The following CFAP20DC variants were observed in gnomAD, a reference collection of about 807,000 sequenced individuals.
The protein encoded by CFAP20DC is CFAP20 domain containing.
Under a neutral mutation model 101.7 loss-of-function variants are expected in CFAP20DC, and 84 were observed. The observed-to-expected ratio is 0.83, with a 90% confidence interval of 0.69 to 0.99. The LOEUF is 0.99. Ranked by LOEUF, CFAP20DC falls within the 50% of genes least tolerant of loss-of-function variation. The pLI is 0.00. For missense variants in CFAP20DC, 1,007 were observed against 970.3 expected (o/e 1.04, Z -0.50); for synonymous variants, 359 against 351.2 (o/e 1.02, Z -0.25).
chr3:58,998,151 A>G (rs2093197744), intron 4 of CFAP20DC, among the ~76,000 whole-genome samples: 2 of 152,230 alleles, frequency 1.3e-5, no homozygotes, highest in Non-Finnish European at 2.9e-5. Context: ...AGGTCATGGC[A>G]GATTCTGCAG....
At chr3:58,780,508 T>C (rs1349465519) in intron 15 of CFAP20DC, among the ~76,000 whole-genome samples, 1 of 150,262 alleles carries the variant, frequency 6.7e-6, no homozygotes, top group African/African-American at 2.4e-5. Context: ...GCTGAATGAA[T>C]AAAAAAAAAG....
chr3:58,906,544 C>A (rs2083603964), intron 6 of CFAP20DC, among the ~76,000 whole-genome samples: 1 of 152,176 alleles, frequency 6.6e-6, no homozygotes, highest in African/African-American at 2.4e-5. Flanking sequence ...TGGCTTTATA[C>A]ATATATGCCC....
intron 7 of CFAP20DC, among the ~76,000 whole-genome samples, chr3:58,877,703 C>T (rs1196313211): frequency 2.6e-5 from 4 of 152,072 alleles, no homozygotes; most frequent in Admixed American, 2.0e-4. Context: ...CAGGTTCTTC[C>T]CATATTTTCC....
chr3:58,810,374 C>A (rs1246268503), intron 14 of CFAP20DC, among the ~76,000 whole-genome samples: 1 of 152,124 alleles, frequency 6.6e-6, no homozygotes, highest in Non-Finnish European at 1.5e-5. Flanking sequence ...TGGGCTTCAT[C>A]CCTGGGATGC....
chr3:58,801,910 T>C (rs539869364), intron 15 of CFAP20DC, among the ~76,000 whole-genome samples: 1 of 152,368 alleles, frequency 6.6e-6, no homozygotes, highest in Admixed American at 6.5e-5. Context: ...GCAAACACTT[T>C]AGAAAATCAT....
At chr3:58,873,420 A>G (rs890786233) in intron 7 of CFAP20DC, among the ~76,000 whole-genome samples, 1 of 151,268 alleles carries the variant, frequency 6.6e-6, no homozygotes, top group Non-Finnish European at 1.5e-5. Context: ...GTGCTCAAGC[A>G]GAAGTCTGGA....
intron 15 of CFAP20DC, among the ~76,000 whole-genome samples, chr3:58,760,751 T>C (rs1359246918): frequency 2.0e-5 from 3 of 152,234 alleles, no homozygotes; most frequent in South Asian, 4.1e-4. Context: ...TGAAGGGTTG[T>C]TGAATTTTGT....
At chr3:58,916,176 C>T (rs2084686976) in intron 5 of CFAP20DC, among the ~76,000 whole-genome samples, 1 of 152,038 alleles carries the variant, frequency 6.6e-6, no homozygotes, top group Non-Finnish European at 1.5e-5. Flanking sequence ...TCTAAGTCTT[C>T]CCATCTAGGA....
At chr3:58,809,961 G>C (rs1406041992) in intron 14 of CFAP20DC, among the ~76,000 whole-genome samples, 1 of 152,126 alleles carries the variant, frequency 6.6e-6, no homozygotes, top group Non-Finnish European at 1.5e-5. Flanking sequence ...AGAAGAAATG[G>C]ATAAATTCCT....
chr3:58,867,984 T>C, intron 9 of CFAP20DC, 48 bp from the exon 10 acceptor site: 2 of 1,530,320 alleles, frequency 1.3e-6, no homozygotes. Context: ...AAGTGCTATA[T>C]GGCTTGAAGT....
At chr3:59,034,021 C>T (rs2094046902) in intron 4 of CFAP20DC, among the ~76,000 whole-genome samples, 1 of 152,168 alleles carries the variant, frequency 6.6e-6, no homozygotes, top group Non-Finnish European at 1.5e-5. Flanking sequence ...ACTCTACAAG[C>T]CAGAAGAGAA....
At chr3:58,764,628 T>C (rs1474227419) in intron 15 of CFAP20DC, among the ~76,000 whole-genome samples, 1 of 152,172 alleles carries the variant, frequency 6.6e-6, no homozygotes, top group African/African-American at 2.4e-5. Context: ...CTGGGAGCTG[T>C]AGACTGGAGC....
At chr3:58,871,243 G>A (rs1466999981) in intron 7 of CFAP20DC, among the ~76,000 whole-genome samples, 4 of 152,186 alleles carry the variant, frequency 2.6e-5, no homozygotes, top group Non-Finnish European at 5.9e-5. Context: ...TGGAAGAAGG[G>A]AAGGGCAGGG....
chr3:58,955,113 A>G (rs563640903), intron 4 of CFAP20DC, among the ~76,000 whole-genome samples: 6 of 152,184 alleles, frequency 3.9e-5, no homozygotes, highest in Non-Finnish European at 8.8e-5. Context: ...CCAGAGTCCA[A>G]CTGTAGAACA....
At chr3:58,748,114 T>C (rs9311682) in intron 16 of CFAP20DC, among the ~76,000 whole-genome samples, 18,165 of 152,114 alleles carry the variant, frequency 0.12, 1,957 homozygotes, top group East Asian at 0.35. Context: ...TTCATTATTT[T>C]CAGGTAGTCT....
chr3:58,829,798 A>C (rs1575800636), intron 14 of CFAP20DC, among the ~76,000 whole-genome samples: 1 of 152,170 alleles, frequency 6.6e-6, no homozygotes, highest in Non-Finnish European at 1.5e-5. Flanking sequence ...AGGGCAACCA[A>C]GAGTTCAGCC....
At chr3:58,735,608 G>C (rs2067734995) in intron 3 of CFAP20DC, among the ~76,000 whole-genome samples, 1 of 152,180 alleles carries the variant, frequency 6.6e-6, no homozygotes, top group Non-Finnish European at 1.5e-5. Context: ...AGGATCACTT[G>C]GGGGAGCTTT....
At chr3:58,918,733 A>G (rs2085009548) in intron 5 of CFAP20DC, among the ~76,000 whole-genome samples, 1 of 151,978 alleles carries the variant, frequency 6.6e-6, no homozygotes, top group Non-Finnish European at 1.5e-5. Flanking sequence ...TGGGCTCTGG[A>G]GCCAAACTGT....
chr3:58,839,245 C>T (rs1018381120), intron 13 of CFAP20DC, among the ~76,000 whole-genome samples: 2 of 152,216 alleles, frequency 1.3e-5, no homozygotes, highest in African/African-American at 2.4e-5. Context: ...TTGGGGGTAG[C>T]AGCCCATTGT....
Sources: gnomAD v4.1 joint callset for allele counts (sites outside exome capture counted in the v4.1 genomes callset) on GRCh38, gnomAD v4.1.1 for gene constraint, MANE v1.5 for transcripts, NCBI Gene and HGNC (gene_info 2026-07-23, HGNC 2026-07-21) for gene names.